FRMD4A: variants seen among roughly 807,000 people sequenced by gnomAD.
FRMD4A encodes the protein FERM domain-containing protein 4A.
Under a neutral mutation model 129.1 loss-of-function variants are expected in FRMD4A, and 29 were observed. The observed-to-expected ratio is 0.22, with a 90% CI of 0.17 to 0.31. The LOEUF (loss-of-function observed/expected upper bound fraction) is 0.31. Among genes scored for constraint, FRMD4A ranks in the 10% least tolerant of loss-of-function variants. The pLI, the probability that FRMD4A is intolerant of heterozygous loss-of-function variation, is 1.00. For missense variants in FRMD4A, 1,272 were observed against 1,375.8 expected (o/e 0.92, Z 1.19); for synonymous variants, 634 against 571.6 (o/e 1.11, Z -1.56).
intron 2 of FRMD4A, among the ~76,000 whole-genome samples, chr10:14,296,789 T>G (rs1846023389): frequency 6.6e-6 from 1 of 152,210 alleles, no homozygotes; most frequent in South Asian, 2.1e-4. Context: ...TTTGCAGCTC[T>G]GTCTTCATTA....
intron 12 of FRMD4A, among the ~76,000 whole-genome samples, chr10:13,721,438 C>T (rs1222105490): frequency 1.3e-5 from 2 of 152,042 alleles, no homozygotes; most frequent in African/African-American, 2.4e-5. Flanking sequence ...GCCGAGATTG[C>T]GCCACTGCAC....
chr10:14,099,123 C>G (rs1300227820), intron 2 of FRMD4A, among the ~76,000 whole-genome samples: 1 of 152,162 alleles, frequency 6.6e-6, no homozygotes, highest in Non-Finnish European at 1.5e-5. Flanking sequence ...TTGAGGACAT[C>G]CAGGTATATA....
intron 2 of FRMD4A, among the ~76,000 whole-genome samples, chr10:14,143,845 G>A (rs1005472573): frequency 6.6e-6 from 1 of 152,114 alleles, no homozygotes; most frequent in Non-Finnish European, 1.5e-5. Flanking sequence ...CTGACCTCAG[G>A]TGATCTGTGT....
intron 2 of FRMD4A, among the ~76,000 whole-genome samples, chr10:13,982,817 C>T (rs967058594): frequency 3.9e-5 from 6 of 152,144 alleles, no homozygotes; most frequent in Admixed American, 3.9e-4. Context: ...ATGCCTTTTC[C>T]TCTATGAATG....
intron 5 of FRMD4A, among the ~76,000 whole-genome samples, chr10:13,795,621 G>C (rs1009497256): frequency 6.6e-6 from 1 of 152,208 alleles, no homozygotes; most frequent in African/African-American, 2.4e-5. Flanking sequence ...ATGGGTGTAA[G>C]TGTTAGTGTC....
In FRMD4A at chr10:14,111,031, T is replaced by C. The variant is rs1837873385; in HGVS notation, c.45+219027A>G. ...ACACATATCATAAAATTTACCTTCT[T>C]TATTTTTAAGTTCAGTAGTGTCAAT... On this transcript the variant is annotated intron_variant, in intron 2 of 24. Transcript: ENST00000357447. 3.3e-5 allele frequency among the ~76,000 whole-genome samples: 5 copies of C among 152,218 alleles called. No individual in the cohort carries two copies. In the South Asian group the frequency reaches 1.0e-3, roughly 32 times the overall value.
intron 2 of FRMD4A, among the ~76,000 whole-genome samples, chr10:13,883,757 A>G (rs2094573165): frequency 6.6e-6 from 1 of 152,210 alleles, no homozygotes; most frequent in Admixed American, 6.5e-5. Context: ...CCATCAAATG[A>G]CAGACACACT....
chr10:14,024,594 A>T (rs1832906299), intron 2 of FRMD4A, among the ~76,000 whole-genome samples: 1 of 152,274 alleles, frequency 6.6e-6, no homozygotes, highest in Non-Finnish European at 1.5e-5. Flanking sequence ...CGAGCTGTGT[A>T]GCCAGAAACT....
At chr10:13,884,160 A>G (rs77957013) in intron 2 of FRMD4A, among the ~76,000 whole-genome samples, 1 of 15,730 alleles carries the variant, frequency 6.4e-5, no homozygotes, top group African/African-American at 1.5e-4. Flanking sequence ...ACACTCTCAC[A>G]CACACACTCA....
At chr10:14,307,985 C>CA (rs57048914) in intron 2 of FRMD4A, among the ~76,000 whole-genome samples, 7,142 of 152,208 alleles carry the variant, frequency 0.047, 479 homozygotes, top group African/African-American at 0.15. Context: ...AGGCTGGTGG[C>CA]AAAATCTGTG....
intron 2 of FRMD4A, among the ~76,000 whole-genome samples, chr10:13,895,908 A>G (rs1485738935): frequency 1.3e-5 from 2 of 152,228 alleles, no homozygotes; most frequent in Non-Finnish European, 2.9e-5. Flanking sequence ...GCCAACAAAC[A>G]TATGAAAAAA....
At chr10:14,261,036 T>C (rs1317703356) in intron 2 of FRMD4A, among the ~76,000 whole-genome samples, 1 of 152,150 alleles carries the variant, frequency 6.6e-6, no homozygotes, top group Non-Finnish European at 1.5e-5. Context: ...GGAATTCACA[T>C]ACAAAATGGG....
rs561715321 is a variant in FRMD4A at position 13,658,825 on chromosome 10, C to T, written c.2066+498G>A. Among the ~76,000 whole-genome samples the T allele has an allele frequency of 8.2e-5, 12 of 146,058 alleles. 1 individual carries two copies. The South Asian group carries it at 2.6e-3, about 32-fold the overall frequency. On this transcript the variant is annotated intron_variant, in intron 21 of 24. Coordinates refer to ENST00000357447, the MANE Select transcript of FRMD4A (RefSeq NM_018027.5). ...TGAACACGGGAGGCAGAGGTTGCAG[C>T]GAGCCAAGATCGCGCCACTGTACTC...
intron 2 of FRMD4A, among the ~76,000 whole-genome samples, chr10:13,922,933 G>A (rs2095090025): frequency 6.6e-6 from 1 of 152,112 alleles, no homozygotes; most frequent in Non-Finnish European, 1.5e-5. Flanking sequence ...TTGCCATTCA[G>A]GATTATAAGC....
chr10:14,185,666 A>G (rs1195004282), intron 2 of FRMD4A, among the ~76,000 whole-genome samples: 5 of 152,084 alleles, frequency 3.3e-5, no homozygotes, highest in African/African-American at 7.2e-5. Context: ...TTAGCTGTGC[A>G]GATGAGCAGA....
chr10:13,975,178 G>A (rs2095537284), intron 2 of FRMD4A, among the ~76,000 whole-genome samples: 1 of 151,702 alleles, frequency 6.6e-6, no homozygotes, highest in South Asian at 2.1e-4. Context: ...CTGTCTTTGT[G>A]AGTCTCTGTG....
chr10:14,165,140 T>C (rs1040719674), intron 2 of FRMD4A, among the ~76,000 whole-genome samples: 1 of 152,126 alleles, frequency 6.6e-6, no homozygotes, highest in Non-Finnish European at 1.5e-5. Flanking sequence ...CCAGAATCCA[T>C]AAAGGACTTA....
intron 2 of FRMD4A, among the ~76,000 whole-genome samples, chr10:14,264,743 A>G (rs1844918787): frequency 6.6e-6 from 1 of 152,210 alleles, no homozygotes; most frequent in Non-Finnish European, 1.5e-5. Flanking sequence ...TAATTTTTTA[A>G]CACTGTAATC....
At chr10:14,224,632 G>C (rs1428328220) in intron 2 of FRMD4A, among the ~76,000 whole-genome samples, 1 of 152,098 alleles carries the variant, frequency 6.6e-6, no homozygotes, top group East Asian at 1.9e-4. Flanking sequence ...AGCCTACGTG[G>C]ATAAAATTTC....
Sources: allele counts gnomAD v4.1 joint callset (sites outside exome capture counted in the v4.1 genomes callset), GRCh38; gene constraint gnomAD v4.1.1; transcripts MANE v1.5; gene names NCBI Gene and HGNC (gene_info 2026-07-23, HGNC 2026-07-21).